The following IRS1 variants were observed in gnomAD, a reference collection of about 807,000 sequenced individuals.
The protein encoded by IRS1 is insulin receptor substrate 1.
IRS1 carries 34 observed loss-of-function variants against 65.6 expected under a neutral mutation model. The ratio of observed to expected loss-of-function variants is 0.52; its 90% confidence interval spans 0.39 to 0.69. IRS1 has a LOEUF of 0.69. IRS1 is among the 30% of genes least tolerant of loss of function. The pLI, the probability that IRS1 is intolerant of heterozygous loss-of-function variation, is 0.00. For missense variants in IRS1, 1,641 were observed against 1,720.2 expected (o/e 0.95, Z 0.81); for synonymous variants, 699 against 683.5 (o/e 1.02, Z -0.35).
intron 1 of IRS1, among the ~76,000 whole-genome samples, chr2:226,791,537 T>G (rs1339597319): frequency 6.6e-6 from 1 of 152,164 alleles, no homozygotes. Context: ...CACAACGTCC[T>G]CAGTCGGCGG....
At position 226,779,873 on chromosome 2, in the gene IRS1, C is replaced by A. The variant is rs898064120; in HGVS notation, c.*21+15116G>T. Reference sequence around the variant, plus strand: ...GGAATGCAGGGGAAAAGTCTCAAAGCAATTAGGTTCAGTTTTCCAGACCAA... The same window carrying A: ...GGAATGCAGGGGAAAAGTCTCAAAGAAATTAGGTTCAGTTTTCCAGACCAA... On this transcript the variant is annotated intron_variant, in intron 1 of 1. Coordinates refer to ENST00000305123, the MANE Select transcript of IRS1 (RefSeq NM_005544.3). Among the ~76,000 whole-genome samples, 5 of 152,342 alleles carry A rather than the reference C, an allele frequency of 3.3e-5. No individual in the cohort carries two copies. The East Asian group carries it at 9.6e-4, about 29-fold the overall frequency.
At chr2:226,759,586 G>C (rs893794877) in intron 1 of IRS1, among the ~76,000 whole-genome samples, 1 of 152,218 alleles carries the variant, frequency 6.6e-6, no homozygotes, top group Non-Finnish European at 1.5e-5. Context: ...GCTGAATGAA[G>C]ATCATGTGAG....
At chr2:226,772,713 A>G (rs1274809825) in intron 1 of IRS1, among the ~76,000 whole-genome samples, 2 of 152,084 alleles carry the variant, frequency 1.3e-5, no homozygotes, top group African/African-American at 4.8e-5. Flanking sequence ...GTCCTCTTAT[A>G]GAAGATGATT....
Position 226,794,891 on chromosome 2 carries a change from C to T in IRS1, c.*21+98G>A. The T allele has an allele frequency of 2.9e-6, 3 of 1,027,846 alleles. No individual in the cohort carries two copies. Among genetic ancestry groups the T allele is most frequent in the South Asian group, 2.5e-5 (2 of 78,502 alleles). The allele number at this position is 1,027,846 out of a possible 1,614,324, so 63.7% of individuals were successfully genotyped here. A position where few individuals can be genotyped will look rare whatever the true frequency, so the allele number is the denominator to read the frequency against. On this transcript the variant is annotated intron_variant, in intron 1 of 1. Transcript: ENST00000305123. The surrounding 1 kb of genome is among the most constrained non-coding windows in gnomAD (Gnocchi z 4.1). ...TGTAAGTGCATTCTCCCTGAGGAAG[C>T]AGTGGGAAAGAACAGGAAGGGGCAG... is the stretch of plus-strand genomic sequence containing the variant.
intron 1 of IRS1, among the ~76,000 whole-genome samples, chr2:226,767,913 C>T (rs1296223724): frequency 6.6e-6 from 1 of 152,062 alleles, no homozygotes; most frequent in Non-Finnish European, 1.5e-5. Context: ...GTGAGTGGTC[C>T]AGGCACACAC....
At chr2:226,785,549 G>A (rs2106178837) in intron 1 of IRS1, among the ~76,000 whole-genome samples, 1 of 152,356 alleles carries the variant, frequency 6.6e-6, no homozygotes, top group South Asian at 2.1e-4. Context: ...GTTGCAGTGA[G>A]CCAAGATTGT....
In IRS1 at chr2:226,798,631, G is replaced by A. The variant is rs1200288333; in HGVS notation, c.108C>T (p.Ser36=). ...HKRFFVLRAA[S]EAGGPARLEY... ...CGAGGCGCGCCGGGCCCCCAGCCTCGCTGGCCGCGCGCAGTACGAAGAAGC... is the reference window on the plus strand; with the variant it reads ...CGAGGCGCGCCGGGCCCCCAGCCTCACTGGCCGCGCGCAGTACGAAGAAGC... Residue 36 remains serine, a synonymous_variant, in exon 1 of 2, where the codon AGC becomes AGT. Transcript: ENST00000305123. This position sits in a 1 kb window ranked among gnomAD's most constrained non-coding sequence, Gnocchi z 9.4. 2.5e-6 allele frequency: 4 copies of A among 1,612,948 alleles called. No individual in the cohort carries two copies. The highest frequency in any genetic ancestry group is 2.5e-6 in the Non-Finnish European group (3 of 1,179,564).
In IRS1 at chr2:226,795,467, T is replaced by C; in HGVS notation, c.3272A>G (p.Asp1091Gly). The C allele has an allele frequency of 1.2e-6, 2 of 1,613,508 alleles. No individual in the cohort carries two copies. Among genetic ancestry groups the C allele is most frequent in the Non-Finnish European group, 1.7e-6 (2 of 1,180,002 alleles). Residue 1091 changes from aspartate to glycine, a missense_variant, in exon 1 of 2, where the codon GAC becomes GGC. Physicochemically the swap from Asp to Gly is moderately conservative, Grantham distance 94. This residue lies in a region of IRS1 where 1,324 missense variants were observed against 1,361.0 expected (regional missense o/e 0.97). Transcript: ENST00000305123. Reference sequence around the variant, plus strand: ...ATGCCTCCGCCGGCACCCTTGTGGGTCTGCACGGATCACTTTGGCACTCTG... The same window carrying C: ...ATGCCTCCGCCGGCACCCTTGTGGGCCTGCACGGATCACTTTGGCACTCTG... ...RNQSAKVIRA[D>G]PQGCRRRHSS...
At chr2:226,776,255 A>G (rs563653694) in intron 1 of IRS1, among the ~76,000 whole-genome samples, 7 of 152,154 alleles carry the variant, frequency 4.6e-5, no homozygotes, top group Non-Finnish European at 7.3e-5. Flanking sequence ...CTGGATTATG[A>G]CCTGAAGTAT....
chr2:226,775,979 A>T (rs1243767385), intron 1 of IRS1, among the ~76,000 whole-genome samples: 1 of 152,072 alleles, frequency 6.6e-6, no homozygotes, highest in Non-Finnish European at 1.5e-5. Flanking sequence ...GGTGAAATCC[A>T]TGAATGCAGA....
chr2:226,787,918 C>G (rs979650976), intron 1 of IRS1, among the ~76,000 whole-genome samples: 1 of 151,588 alleles, frequency 6.6e-6, no homozygotes, highest in Non-Finnish European at 1.5e-5. Flanking sequence ...TTATAAATGT[C>G]TTTTATTATT....
In IRS1 at chr2:226,775,265, C is replaced by T. The variant is rs149820167; in HGVS notation, c.*21+19724G>A. 5.0e-3 allele frequency among the ~76,000 whole-genome samples: 768 copies of T among 152,302 alleles called. 5 individuals carry two copies. Among genetic ancestry groups the T allele is most frequent in the Non-Finnish European group, 6.1e-3 (412 of 68,012 alleles). ...CCTATAAGACTAAAGGCAAAAGAAA[C>T]TTGACAGAAGCATTGTACTCTAGTT... On this transcript the variant is annotated intron_variant, in intron 1 of 1. Transcript: ENST00000305123.
At chr2:226,778,324 G>A (rs533602757) in intron 1 of IRS1, among the ~76,000 whole-genome samples, 9 of 152,198 alleles carry the variant, frequency 5.9e-5, no homozygotes, top group East Asian at 3.9e-4. Context: ...TTAAGTTAGC[G>A]ATAAAGGAAT....
chr2:226,749,210 G>A (rs1391567005), intron 1 of IRS1, among the ~76,000 whole-genome samples: 2 of 152,120 alleles, frequency 1.3e-5, no homozygotes, highest in Admixed American at 6.6e-5. Flanking sequence ...GTCACAAGCG[G>A]GCCATGGCCT....
rs1002639659 is a variant in IRS1, at chr2:226,733,241, G to C, written c.*3031C>G. 6.6e-6 allele frequency: 1 copy of C among 152,098 alleles called. No individual in the cohort carries two copies. Among genetic ancestry groups the C allele is most frequent in the Admixed American group, 6.5e-5 (1 of 15,270 alleles). The allele number at this position is 152,098 out of a possible 1,614,324, so 9.4% of individuals were successfully genotyped here. On this transcript the variant is annotated 3_prime_UTR_variant, in exon 2 of 2. Coordinates refer to ENST00000305123, the MANE Select transcript of IRS1 (RefSeq NM_005544.3). ...ATGTCTCAAATTTAAATGATAGCTAGAAGACAAAAGCCAGGGAAAGAAAGG... is the reference window on the plus strand; with the variant it reads ...ATGTCTCAAATTTAAATGATAGCTACAAGACAAAAGCCAGGGAAAGAAAGG...
At chr2:226,736,364 C>T (rs1463191015) in intron 1 of IRS1, 114 bp from the exon 2 acceptor site, 1 of 152,140 alleles carries the variant, frequency 6.6e-6, no homozygotes, top group Non-Finnish European at 1.5e-5. Context: ...GTTACAGGCA[C>T]AAATAGTACT....
At chr2:226,753,578 T>C (rs76371755) in intron 1 of IRS1, among the ~76,000 whole-genome samples, 1,620 of 152,306 alleles carry the variant, frequency 0.011, 26 homozygotes, top group African/African-American at 0.037. Flanking sequence ...CAGTGTTTTA[T>C]ATATAACTGG....
At chr2:226,788,952 A>T (rs1939539003) in intron 1 of IRS1, among the ~76,000 whole-genome samples, 1 of 152,210 alleles carries the variant, frequency 6.6e-6, no homozygotes, top group African/African-American at 2.4e-5. Flanking sequence ...ATTATTTTAC[A>T]TGCAAAAAAA....
At chr2:226,789,298 G>A (rs1052338185) in intron 1 of IRS1, among the ~76,000 whole-genome samples, 3 of 152,044 alleles carry the variant, frequency 2.0e-5, no homozygotes, top group Non-Finnish European at 4.4e-5. Context: ...CCACATGGAG[G>A]GACAAAAAAG....
Sources: allele counts gnomAD v4.1 joint callset (sites outside exome capture counted in the v4.1 genomes callset), GRCh38; gene constraint gnomAD v4.1.1; regional missense constraint gnomAD v4.1.1; non-coding constraint Gnocchi (gnomAD v3.1); transcripts MANE v1.5; gene names NCBI Gene and HGNC (gene_info 2026-07-23, HGNC 2026-07-21).